Variants in USP2 observed in about 807,000 individuals in gnomAD.
USP2 encodes ubiquitin specific peptidase 2, also known as ubiquitin carboxyl-terminal hydrolase 2.
A neutral mutation model predicts 72.0 loss-of-function variants in USP2; 33 were observed. The ratio of observed to expected loss-of-function variants is 0.46; its 90% CI spans 0.35 to 0.61. The LOEUF is 0.61. USP2 is among the 20% of genes least tolerant of loss of function. The pLI is 0.01. For missense variants in USP2, 691 were observed against 797.8 expected (o/e 0.87, Z 1.61); for synonymous variants, 296 against 312.5 (o/e 0.95, Z 0.56).
In USP2 at chr11:119,358,998, T is replaced by A. The variant is rs200319788; in HGVS notation, c.1172+26A>T. 3.2e-4 allele frequency: 521 copies of A among 1,612,060 alleles called. 1 individual carries two copies. The highest frequency in any genetic ancestry group is 1.4e-4 in the Non-Finnish European group (168 of 1,178,484). On this transcript the variant is annotated intron_variant, in intron 6 of 12. Transcript: ENST00000260187. ...TCTCGAGTTCACAAAAGTTTTGCTT[T>A]CCCACAGCATTCTCCTCTTACTTAC...
intron 2 of USP2, among the ~76,000 whole-genome samples, chr11:119,370,523 C>G (rs779445075): frequency 5.9e-5 from 9 of 152,134 alleles, no homozygotes; most frequent in Non-Finnish European, 7.3e-5. Flanking sequence ...AAACTGGACC[C>G]AGTTTTAGAA....
chr11:119,366,883 C>T (rs921781841), intron 2 of USP2, among the ~76,000 whole-genome samples: 8 of 152,182 alleles, frequency 5.3e-5, no homozygotes, highest in Non-Finnish European at 1.0e-4. Context: ...TCTCCCTCTT[C>T]CCTGGGATTT....
chr11:119,357,916 G>C (rs180796245), intron 9 of USP2, 65 bp downstream of exon 9: 2 of 1,612,946 alleles, frequency 1.2e-6, no homozygotes, highest in East Asian at 2.2e-5. Flanking sequence ...GGATCTGCTG[G>C]TATCAGCCTC....
In USP2 at chr11:119,373,310, G is replaced by A. The variant is rs762054781; in HGVS notation, c.171C>T (p.Ser57=). 1.9e-5 allele frequency: 30 copies of A among 1,613,622 alleles called. No homozygotes were observed. Among genetic ancestry groups the A allele is most frequent in the Non-Finnish European group, 2.5e-5 (29 of 1,179,910 alleles). ...EKLGFKPVPT[S]SFLTRPRTYG... ...AGGTACGGGGACGGGTGAGGAAGCT[G>A]CTGGTGGGGACCGGCTTGAAACCAA... The change falls in exon 2 of 13, where the codon AGC becomes AGT. Residue 57 remains serine, a synonymous_variant. Coordinates refer to ENST00000260187, the MANE Select transcript of USP2 (RefSeq NM_004205.5).
chr11:119,364,239 A>G (rs1463797976), intron 2 of USP2: 17 of 1,053,136 alleles, frequency 1.6e-5, no homozygotes, highest in Admixed American at 5.3e-5. Context: ...GGGCCCCGCG[A>G]CGTCAGCGCT....
rs1392021885 is a variant in USP2, at chr11:119,355,450, G to A, written c.*1385C>T. On this transcript the variant is annotated 3_prime_UTR_variant, in exon 13 of 13. Transcript: ENST00000260187. ...GGCACAAGCCGGGCCCAGCTGTGTG[G>A]GTGAACAGCTTTACTCTCCAGGACA... 6.6e-6 allele frequency: 1 copy of A among 152,230 alleles called. No homozygotes were observed. The highest frequency in any genetic ancestry group is 6.5e-5 in the Admixed American group (1 of 15,282). The allele number at this position is 152,230 out of a possible 1,614,324, so 9.4% of individuals were successfully genotyped here.
rs1359940156 is a variant in USP2 at position 119,356,062 on chromosome 11, A to AC, written c.*772_*773insG. 1 of 147,934 alleles carries AC rather than the reference A, an allele frequency of 6.8e-6. No individual in the cohort carries two copies. The highest frequency in any genetic ancestry group is 1.9e-4 in the East Asian group (1 of 5,152). 9.2% of individuals were successfully genotyped at this position (147,934 alleles called of 1,614,324 possible). Reference sequence around the variant, plus strand: ...TTCAAAACATTAAAAAAAAAAAAAAAAAACCCAAACCCCCAAAACAGAAAC... The same window carrying AC: ...TTCAAAACATTAAAAAAAAAAAAAAACAAACCCAAACCCCCAAAACAGAAAC... On this transcript the variant is annotated 3_prime_UTR_variant, in exon 13 of 13. Coordinates refer to ENST00000260187, the MANE Select transcript of USP2 (RefSeq NM_004205.5).
intron 2 of USP2, among the ~76,000 whole-genome samples, chr11:119,369,217 C>T (rs1173614868): frequency 6.6e-6 from 1 of 152,142 alleles, no homozygotes; most frequent in Non-Finnish European, 1.5e-5. Flanking sequence ...GCCCCCCTGG[C>T]CTGGCATTTT....
chr11:119,358,861 A>G lies in USP2; in HGVS notation c.1173-24T>C, dbSNP rs778034274. 8 of 1,613,596 alleles carry G rather than the reference A, an allele frequency of 5.0e-6. No homozygotes were observed. The Admixed American group carries it at 1.2e-4, about 24-fold the overall frequency. On this transcript the variant is annotated intron_variant, in intron 6 of 12. Coordinates refer to ENST00000260187, the MANE Select transcript of USP2 (RefSeq NM_004205.5). Reference sequence around the variant, plus strand: ...CACTGGGAACCAGAGAGAGACAACAATTGGGTCAAAGCTCAAAACTTAAGT... The same window carrying G: ...CACTGGGAACCAGAGAGAGACAACAGTTGGGTCAAAGCTCAAAACTTAAGT...
In USP2 at chr11:119,357,599, G is replaced by C. The variant is rs548021731; in HGVS notation, c.1502-9C>G. 1 of 1,614,156 alleles carries C rather than the reference G, an allele frequency of 6.2e-7. No homozygotes were observed. The highest frequency in any genetic ancestry group is 1.3e-5 in the African/African-American group (1 of 75,040). Reference sequence around the variant, plus strand: ...TGAGAACCGCTTCAGATCTGGCATTGACGTGAGTCAAGGATAGTCAAACCA... The same window carrying C: ...TGAGAACCGCTTCAGATCTGGCATTCACGTGAGTCAAGGATAGTCAAACCA... On this transcript the variant is annotated splice_polypyrimidine_tract_variant and intron_variant, in intron 10 of 12. Coordinates refer to ENST00000260187, the MANE Select transcript of USP2 (RefSeq NM_004205.5).
At chr11:119,370,322 C>A (rs1200703628) in intron 2 of USP2, among the ~76,000 whole-genome samples, 7 of 152,198 alleles carry the variant, frequency 4.6e-5, no homozygotes, top group Non-Finnish European at 1.0e-4. Flanking sequence ...AGCAACATGC[C>A]AGGCACTTTC....
chr11:119,360,769 G>A (rs1234623633), intron 2 of USP2, among the ~76,000 whole-genome samples: 2 of 152,108 alleles, frequency 1.3e-5, no homozygotes, highest in Non-Finnish European at 2.9e-5. Flanking sequence ...ATTCTTCAGG[G>A]CTTTATTGAG....
In USP2 at chr11:119,355,318, C is replaced by T. The variant is rs1950635207; in HGVS notation, c.*1517G>A. The T allele has an allele frequency of 6.6e-6, 1 of 152,256 alleles. No homozygotes were observed. Among genetic ancestry groups the T allele is most frequent in the African/African-American group, 2.4e-5 (1 of 41,458 alleles). The allele number at this position is 152,256 out of a possible 1,614,324, so 9.4% of individuals were successfully genotyped here. ...AAACAAGTGTACACTTGCCCTTGGG[C>T]TCAGGTTCACAGGTCTTCTCTGGAG... On this transcript the variant is annotated 3_prime_UTR_variant, in exon 13 of 13. Transcript: ENST00000260187.
intron 12 of USP2, 86 bp downstream of exon 12, chr11:119,357,100 AG>A: frequency 1.6e-5 from 8 of 489,568 alleles, no homozygotes; most frequent in Non-Finnish European, 1.8e-5. Context: ...GGGGGGTGGG[AG>A]GGGGGTGGGT....
At chr11:119,371,355 C>A (rs149314228) in intron 2 of USP2, among the ~76,000 whole-genome samples, 1 of 152,238 alleles carries the variant, frequency 6.6e-6, no homozygotes, top group Admixed American at 6.5e-5. Context: ...CACTCCAAGC[C>A]CAGCACGCAG....
intron 2 of USP2, among the ~76,000 whole-genome samples, chr11:119,368,056 A>G (rs1950878570): frequency 6.6e-6 from 1 of 152,244 alleles, no homozygotes; most frequent in South Asian, 2.1e-4. Flanking sequence ...AACGGCCAGG[A>G]TACAGCCCAC....
At chr11:119,358,085 G>A in intron 8 of USP2, 24 bp from the exon 9 acceptor site, 3 of 1,614,182 alleles carry the variant, frequency 1.9e-6, no homozygotes, top group Non-Finnish European at 2.5e-6. Context: ...AAAAGCAAAG[G>A]TCAGAGGTCA....
At chr11:119,380,216 C>T (rs1281800086) in intron 1 of USP2, among the ~76,000 whole-genome samples, 1 of 151,864 alleles carries the variant, frequency 6.6e-6, no homozygotes, top group Non-Finnish European at 1.5e-5. Context: ...TGCTCCCGGC[C>T]GGAAGTGTGC....
intron 4 of USP2, 54 bp downstream of exon 4, chr11:119,359,483 G>A: frequency 1.2e-6 from 2 of 1,609,998 alleles, no homozygotes; most frequent in Non-Finnish European, 1.7e-6. Context: ...CAGCCCCAGT[G>A]GAGTGGAGGA....
Sources: allele counts gnomAD v4.1 joint callset (sites outside exome capture counted in the v4.1 genomes callset), GRCh38; gene constraint gnomAD v4.1.1; transcripts MANE v1.5; gene names NCBI Gene and HGNC (gene_info 2026-07-23, HGNC 2026-07-21).